CCBE1: variants seen among roughly 807,000 people sequenced by gnomAD.
CCBE1 encodes the protein collagen and calcium binding EGF domains 1, also known as collagen and calcium-binding EGF domain-containing protein 1.
A neutral mutation model predicts 50.0 loss-of-function variants in CCBE1; 37 were observed. That is an observed-to-expected ratio of 0.74 (90% confidence interval 0.57 to 0.97). CCBE1 has a LOEUF of 0.97. CCBE1 is among the 50% of genes least tolerant of loss of function. The pLI, the probability that CCBE1 is intolerant of heterozygous loss-of-function variation, is 0.00. For missense variants in CCBE1, 538 were observed against 523.8 expected (o/e 1.03, Z -0.26); for synonymous variants, 234 against 203.7 (o/e 1.15, Z -1.27).
At chr18:59,464,252 A>T (rs1259592143) in intron 5 of CCBE1, among the ~76,000 whole-genome samples, 1 of 152,194 alleles carries the variant, frequency 6.6e-6, no homozygotes, top group Admixed American at 6.5e-5. Context: ...CCTGGCCAAC[A>T]TGGTGAAACT....
intron 2 of CCBE1, among the ~76,000 whole-genome samples, chr18:59,611,900 A>T (rs1485136852): frequency 3.3e-5 from 5 of 152,232 alleles, no homozygotes; most frequent in Non-Finnish European, 7.3e-5. Context: ...GGGAAAACAG[A>T]TGTCCATAAA....
intron 2 of CCBE1, among the ~76,000 whole-genome samples, chr18:59,604,674 G>C (rs1181152259): frequency 1.3e-5 from 2 of 152,192 alleles, no homozygotes; most frequent in African/African-American, 4.8e-5. Flanking sequence ...GTATGTGATT[G>C]CTTCAATAGG....
intron 2 of CCBE1, among the ~76,000 whole-genome samples, chr18:59,596,732 G>T (rs117419226): frequency 6.6e-6 from 1 of 152,168 alleles, no homozygotes; most frequent in Non-Finnish European, 1.5e-5. Flanking sequence ...TTTCCATCAC[G>T]TAGCAAAGGC....
In CCBE1 at chr18:59,433,432, G is replaced by C. The variant is rs1170476172; in HGVS notation, c.*2476C>G. On this transcript the variant is annotated 3_prime_UTR_variant, in exon 11 of 11. Transcript: ENST00000439986. The stretch of plus-strand genomic sequence containing the variant: ...AGGAATTTTGCATAAATGAGACATA[G>C]AGGAGCAAAGTGTTCATGAAAGACT... 6.6e-6 allele frequency: 1 copy of C among 151,936 alleles called. No homozygotes were observed. Among genetic ancestry groups the C allele is most frequent in the East Asian group, 1.9e-4 (1 of 5,170 alleles). The allele number at this position is 151,936 out of a possible 1,614,324, so 9.4% of individuals were successfully genotyped here. A position where few individuals can be genotyped will look rare whatever the true frequency, so the allele number is the denominator to read the frequency against.
At position 59,655,234 on chromosome 18, in the gene CCBE1, C is replaced by T. The variant is rs577684594; in HGVS notation, c.212+41395G>A. On this transcript the variant is annotated intron_variant, in intron 2 of 10. Transcript: ENST00000439986. Reference sequence around the variant, plus strand: ...CTTTTCTGGTTCTAAAACTGTTTCACGTTTTTAGATAATGTTGGTTTGTGA... The same window carrying T: ...CTTTTCTGGTTCTAAAACTGTTTCATGTTTTTAGATAATGTTGGTTTGTGA... 7.2e-5 allele frequency among the ~76,000 whole-genome samples: 11 copies of T among 152,270 alleles called. No individual in the cohort carries two copies. In the South Asian group the frequency reaches 1.0e-3, roughly 14 times the overall value.
chr18:59,494,441 G>C (rs984306001), intron 2 of CCBE1, among the ~76,000 whole-genome samples: 7 of 152,030 alleles, frequency 4.6e-5, no homozygotes. Flanking sequence ...GGAAATAAAA[G>C]ACTACAGACA....
chr18:59,543,834 C>CAAAAAAAAAAA lies in CCBE1; in HGVS notation c.213-63607_213-63597dup, dbSNP rs10678902. Among the ~76,000 whole-genome samples the CAAAAAAAAAAA allele has an allele frequency of 8.0e-4, 55 of 68,980 alleles. 1 individual carries two copies. Among genetic ancestry groups the CAAAAAAAAAAA allele is most frequent in the African/African-American group, 3.0e-3 (41 of 13,814 alleles). 45.3% of individuals were successfully genotyped at this position (68,980 alleles called of 152,430 possible). On this transcript the variant is annotated intron_variant, in intron 2 of 10. Coordinates refer to ENST00000439986, the MANE Select transcript of CCBE1 (RefSeq NM_133459.4). ...TGGGAGATAGAGCGAGACTCCGTCT[C>CAAAAAAAAAAA]AAAAAAAAAAAAAAAAAAAAAAAAC...
chr18:59,530,331 G>A (rs1171414817), intron 2 of CCBE1, among the ~76,000 whole-genome samples: 3 of 152,128 alleles, frequency 2.0e-5, no homozygotes, highest in Non-Finnish European at 4.4e-5. Flanking sequence ...CTAAAAGATG[G>A]CAGGATCTAT....
intron 2 of CCBE1, among the ~76,000 whole-genome samples, chr18:59,577,596 A>G (rs992243728): frequency 3.9e-5 from 6 of 152,354 alleles, no homozygotes; most frequent in African/African-American, 1.4e-4. Context: ...TTCCATATGT[A>G]TCCATGAATA....
intron 2 of CCBE1, among the ~76,000 whole-genome samples, chr18:59,519,243 T>C (rs981150145): frequency 6.6e-6 from 1 of 152,110 alleles, no homozygotes; most frequent in Non-Finnish European, 1.5e-5. Context: ...CCCTCCACCT[T>C]TTTAGCCCAC....
intron 2 of CCBE1, among the ~76,000 whole-genome samples, chr18:59,562,949 G>A (rs1180939454): frequency 6.6e-6 from 1 of 152,292 alleles, no homozygotes; most frequent in South Asian, 2.1e-4. Flanking sequence ...GGTGTTCAGG[G>A]AATGGACTCT....
At chr18:59,657,804 T>C (rs1221818192) in intron 2 of CCBE1, among the ~76,000 whole-genome samples, 1 of 151,984 alleles carries the variant, frequency 6.6e-6, no homozygotes, top group Admixed American at 6.6e-5. Context: ...GCAGGAGAAA[T>C]CGCTCGAACC....
chr18:59,600,120 C>T (rs1208766127), intron 2 of CCBE1, among the ~76,000 whole-genome samples: 17 of 152,122 alleles, frequency 1.1e-4, no homozygotes, highest in Admixed American at 1.1e-3. Flanking sequence ...GGTCCCCAAC[C>T]ACTGGGCCAT....
chr18:59,596,693 A>G (rs1203362475), intron 2 of CCBE1, among the ~76,000 whole-genome samples: 2 of 152,240 alleles, frequency 1.3e-5, no homozygotes, highest in African/African-American at 4.8e-5. Flanking sequence ...CAATTGAGAC[A>G]GCAAGAGTCC....
At chr18:59,616,158 T>A (rs776204429) in intron 2 of CCBE1, among the ~76,000 whole-genome samples, 1 of 151,996 alleles carries the variant, frequency 6.6e-6, no homozygotes, top group Non-Finnish European at 1.5e-5. Flanking sequence ...AGCTGCAGAG[T>A]GCAGGGCAGC....
At chr18:59,607,674 G>T (rs1196151253) in intron 2 of CCBE1, among the ~76,000 whole-genome samples, 1 of 152,182 alleles carries the variant, frequency 6.6e-6, no homozygotes, top group Non-Finnish European at 1.5e-5. Context: ...GTTGCACAAT[G>T]GTTAGACACG....
chr18:59,612,387 A>T (rs1288873782), intron 2 of CCBE1, among the ~76,000 whole-genome samples: 1 of 151,890 alleles, frequency 6.6e-6, no homozygotes, highest in Non-Finnish European at 1.5e-5. Flanking sequence ...GCAGCTTAGA[A>T]CAATGCTCAG....
At chr18:59,505,740 T>C (rs892125747) in intron 2 of CCBE1, among the ~76,000 whole-genome samples, 5 of 152,214 alleles carry the variant, frequency 3.3e-5, no homozygotes, top group African/African-American at 1.2e-4. Flanking sequence ...AAACACTACA[T>C]TTAGGGCTCA....
At chr18:59,446,725 C>T (rs568097248) in intron 7 of CCBE1, among the ~76,000 whole-genome samples, 2 of 152,164 alleles carry the variant, frequency 1.3e-5, no homozygotes, top group Non-Finnish European at 2.9e-5. Context: ...ACCTAAATGC[C>T]GCTGACCACT....
Sources: allele counts gnomAD v4.1 joint callset (sites outside exome capture counted in the v4.1 genomes callset), GRCh38; gene constraint gnomAD v4.1.1; transcripts MANE v1.5; gene names NCBI Gene and HGNC (gene_info 2026-07-23, HGNC 2026-07-21).